The following CDHR4 variants were observed in gnomAD, a reference collection of about 807,000 sequenced individuals.
CDHR4 encodes the protein cadherin related family member 4.
CDHR4 carries 89 observed loss-of-function variants against 88.4 expected under a neutral mutation model. That is an observed-to-expected ratio of 1.01 (90% CI 0.85 to 1.20). The LOEUF (loss-of-function observed/expected upper bound fraction) is 1.20, where lower values mean the gene tolerates loss of function less well. Among genes scored for constraint, CDHR4 ranks in the 50% most tolerant of loss-of-function variants. CDHR4 has a pLI of 0.00. For missense variants in CDHR4, 914 were observed against 1,007.2 expected (o/e 0.91, Z 1.25); for synonymous variants, 368 against 399.2 (o/e 0.92, Z 0.93).
At chr3:49,794,562 C>CA in intron 10 of CDHR4, 46 bp downstream of exon 10, 1 of 1,459,992 alleles carries the variant, frequency 6.8e-7, no homozygotes, top group Non-Finnish European at 9.3e-7. Context: ...AGCGGGAGGA[C>CA]AGAACAGCCT....
Position 49,793,638 on chromosome 3 carries a change from T to C in CDHR4, c.1568A>G (p.Asp523Gly), listed in dbSNP as rs1455989627. The C allele has an allele frequency of 6.4e-7, 1 of 1,551,762 alleles. No individual in the cohort carries two copies. Among genetic ancestry groups the C allele is most frequent in the African/African-American group, 1.4e-5 (1 of 73,186 alleles). Residue 523 changes from aspartate (D) to glycine (G), a missense_variant, in exon 12 of 19, where the codon GAC becomes GGC. Asp to Gly is a moderately conservative substitution (Grantham distance 94). Coordinates refer to ENST00000412678, the MANE Select transcript of CDHR4 (RefSeq NM_001007540.4). ...LTVLVIDHGQ[D>G]QNPNHHLSGS... ...TGAGAGGTGATGGTTGGGGTTCTGGTCTTGGCCATGGTCAATCACAAGGAC... is the reference window on the plus strand; with the variant it reads ...TGAGAGGTGATGGTTGGGGTTCTGGCCTTGGCCATGGTCAATCACAAGGAC...
At position 49,799,133 on chromosome 3, in the gene CDHR4, C is replaced by A. The variant is rs780858486; in HGVS notation, c.264G>T (p.Gln88His). 2.1e-5 allele frequency: 33 copies of A among 1,575,504 alleles called. No homozygotes were observed. Among genetic ancestry groups the A allele is most frequent in the Non-Finnish European group, 2.8e-5 (32 of 1,160,354 alleles). ...VGKLTLSSSA[Q>H]LDALMVNHYK... ...AGTGGTTCACCATCAGGGCATCCAACTGAGCAGAGCTGCTCAAGGTCAACT... is the reference window on the plus strand; with the variant it reads ...AGTGGTTCACCATCAGGGCATCCAAATGAGCAGAGCTGCTCAAGGTCAACT... The change falls in exon 3 of 19, where the codon CAG (glutamine) becomes CAT (histidine). Residue 88 changes from glutamine to histidine, a missense_variant. Gln to His is a conservative substitution (Grantham distance 24). Transcript: ENST00000412678.
At chr3:49,792,337 CCCT>C in intron 15 of CDHR4, 128 bp downstream of exon 15, 1 of 1,149,562 alleles carries the variant, frequency 8.7e-7, no homozygotes. Flanking sequence ...GGGAGAGTAG[CCCT>C]CCTCAATATC....
intron 17 of CDHR4, 110 bp downstream of exon 17, chr3:49,791,604 A>G: frequency 6.8e-7 from 1 of 1,472,414 alleles, no homozygotes; most frequent in Non-Finnish European, 9.2e-7. Context: ...CATTTCCACA[A>G]GGATACCCAT....
chr3:49,796,604 C>T (rs1287714946), intron 5 of CDHR4, among the ~76,000 whole-genome samples: 2 of 152,168 alleles, frequency 1.3e-5, no homozygotes, highest in African/African-American at 2.4e-5. Context: ...TCCCAAAGTG[C>T]TAGGATTATG....
chr3:49,795,016 C>T lies in CDHR4; in HGVS notation c.1116G>A (p.Leu372=). 1.3e-6 allele frequency: 2 copies of T among 1,551,658 alleles called. No individual in the cohort carries two copies. The highest frequency in any genetic ancestry group is 1.7e-6 in the Non-Finnish European group (2 of 1,146,984). Residue 372 remains leucine (L), a synonymous_variant, in exon 9 of 19, where the codon CTG becomes CTA. Coordinates refer to ENST00000412678, the MANE Select transcript of CDHR4 (RefSeq NM_001007540.4). This position sits in a 1 kb window ranked among gnomAD's most constrained non-coding sequence, Gnocchi z 5.4. The stretch of plus-strand genomic sequence containing the variant: ...AGCTGCGGAACCACAGCTTGTAGTC[C>T]AGGGTGGCACCAACAGAGTCCGGAT... ...CEDPDSVGAT[L]DYKLWFRSSS...
rs2081279983 is a variant in CDHR4, at chr3:49,797,016, G to A, written c.512C>T (p.Ala171Val). Residue 171 changes from alanine to valine, a missense_variant, in exon 5 of 19, where the codon GCC becomes GTC. By Grantham distance (64) the Ala-to-Val change is moderately conservative (BLOSUM62 0). Coordinates refer to ENST00000412678, the MANE Select transcript of CDHR4 (RefSeq NM_001007540.4). Reference sequence around the variant, plus strand: ...TCCAGGGAAGTGTGGCAGGTCCTGGGCACTGATAATGCTCATCTGACAGAA... The same window carrying A: ...TCCAGGGAAGTGTGGCAGGTCCTGGACACTGATAATGCTCATCTGACAGAA... ...LHGAQMSIIS[A>V]QDLPHFPGPF... is the part of the protein sequence containing the mutation. The A allele has an allele frequency of 6.4e-7, 1 of 1,551,582 alleles. No homozygotes were observed. The highest frequency in any genetic ancestry group is 8.7e-7 in the Non-Finnish European group (1 of 1,146,944).
chr3:49,798,690 A>G, intron 4 of CDHR4, 136 bp downstream of exon 4: 2 of 767,236 alleles, frequency 2.6e-6, no homozygotes, highest in Admixed American at 2.8e-5. Context: ...CCAAGAACAT[A>G]CATCATGTAG....
chr3:49,793,528 A>G, intron 12 of CDHR4, 55 bp downstream of exon 12: 1 of 1,542,426 alleles, frequency 6.5e-7, no homozygotes, highest in Non-Finnish European at 8.8e-7. Flanking sequence ...CCACAGGGCA[A>G]TCTGAACTCC....
chr3:49,800,540 A>G (rs1352119235), upstream of CDHR4, among the ~76,000 whole-genome samples: 2 of 152,008 alleles, frequency 1.3e-5, no homozygotes, highest in South Asian at 2.1e-4. Flanking sequence ...AAAAAGAAAA[A>G]AAAAGTTGTC....
At position 49,799,339 on chromosome 3, in the gene CDHR4, T is replaced by A; in HGVS notation, c.148A>T (p.Thr50Ser). 1.9e-6 allele frequency: 3 copies of A among 1,613,752 alleles called. No homozygotes were observed. Among genetic ancestry groups the A allele is most frequent in the Non-Finnish European group, 2.5e-6 (3 of 1,179,820 alleles). ...ACATTGAGCAACTCCAGGGTGGGTG[T>A]GGGCGTGTAGGAGGAGCAGTTGAAG... Reference protein sequence around the residue: ...LSFNCSSYTPTPTLELLNVQP... With the variant: ...LSFNCSSYTPSPTLELLNVQP... Residue 50 changes from threonine (T) to serine (S), a missense_variant, in exon 2 of 19, where the codon ACA becomes TCA. Thr to Ser is a moderately conservative substitution (Grantham distance 58, BLOSUM62 1). Coordinates refer to ENST00000412678, the MANE Select transcript of CDHR4 (RefSeq NM_001007540.4).
At chr3:49,796,092 A>G (rs2081267971) in intron 5 of CDHR4, 46 bp from the exon 6 acceptor site, 2 of 1,395,172 alleles carry the variant, frequency 1.4e-6, no homozygotes, top group African/African-American at 2.9e-5. Context: ...GTGTGTGTCC[A>G]CCTCTTTGTC....
Position 49,793,659 on chromosome 3 carries a change from A to G in CDHR4, c.1547T>C (p.Leu516Pro). The G allele has an allele frequency of 6.4e-7, 1 of 1,551,766 alleles. No individual in the cohort carries two copies. The highest frequency in any genetic ancestry group is 8.7e-7 in the Non-Finnish European group (1 of 1,146,994). ...EQQRLYRLTV[L>P]VIDHGQDQNP... ...CTGGTCTTGGCCATGGTCAATCACA[A>G]GGACAGTGAGCCTGTACAGCCTCTG... Residue 516 changes from leucine (L) to proline (P), a missense_variant, in exon 12 of 19, where the codon CTT becomes CCT. By Grantham distance (98) the Leu-to-Pro change is moderately conservative. Coordinates refer to ENST00000412678, the MANE Select transcript of CDHR4 (RefSeq NM_001007540.4).
At chr3:49,801,008 T>C (rs949250357), upstream of CDHR4, among the ~76,000 whole-genome samples, 7 of 151,822 alleles carry the variant, frequency 4.6e-5, no homozygotes, top group Non-Finnish European at 1.0e-4. Flanking sequence ...GCCAAGATCA[T>C]GCCACTGCAC....
At chr3:49,791,611 C>T in intron 17 of CDHR4, 103 bp downstream of exon 17, 1 of 1,477,902 alleles carries the variant, frequency 6.8e-7, no homozygotes, top group Non-Finnish European at 9.2e-7. Context: ...ACAAGGATAC[C>T]CATTCATCGG....
intron 18 of CDHR4, among the ~76,000 whole-genome samples, 186 bp downstream of exon 18, chr3:49,791,255 A>G (rs2081175365): frequency 6.6e-6 from 1 of 152,140 alleles, no homozygotes; most frequent in African/African-American, 2.4e-5. Flanking sequence ...CTGACCCCCT[A>G]GACGTTTGAC....
At chr3:49,800,785 C>T (rs181062108), upstream of CDHR4, among the ~76,000 whole-genome samples, 2 of 148,356 alleles carry the variant, frequency 1.3e-5, no homozygotes, top group Admixed American at 6.9e-5. Context: ...TGGCCAGGCA[C>T]GGTGGCTTAT....
chr3:49,793,130 C>G (rs939557071), intron 13 of CDHR4, 31 bp downstream of exon 13: 59 of 1,550,798 alleles, frequency 3.8e-5, no homozygotes, highest in African/African-American at 8.2e-5. Context: ...CTGCCCCTCA[C>G]TCACAACCTG....
chr3:49,793,292 G>A lies in CDHR4; in HGVS notation c.1643C>T (p.Pro548Leu). 1 of 1,551,548 alleles carries A rather than the reference G, an allele frequency of 6.4e-7. No individual in the cohort carries two copies. The highest frequency in any genetic ancestry group is 2.4e-5 in the East Asian group (1 of 40,926). Residue 548 changes from proline to leucine, a missense_variant, in exon 13 of 19, where the codon CCC (proline) becomes CTC (leucine). Coordinates refer to ENST00000412678, the MANE Select transcript of CDHR4 (RefSeq NM_001007540.4). ...IEVEDVNDHA[P>L]ECEPPFQELT... ...TTCCTGAAATGGGGGCTCACACTCG[G>A]GGGCATGGTCATTCACATCCTGCAG... is the stretch of plus-strand genomic sequence containing the variant.
Sources: gnomAD v4.1 joint callset for allele counts (sites outside exome capture counted in the v4.1 genomes callset) on GRCh38, gnomAD v4.1.1 for gene constraint, Gnocchi (gnomAD v3.1) non-coding constraint, MANE v1.5 for transcripts, NCBI Gene and HGNC (gene_info 2026-07-23, HGNC 2026-07-21) for gene names.